The following TRPV4 variants were observed in gnomAD, a reference collection of about 807,000 sequenced individuals.
TRPV4 encodes the protein transient receptor potential cation channel subfamily V member 4, also known as OSM9-like transient receptor potential channel 4.
TRPV4 carries 58 observed loss-of-function variants against 84.1 expected under a neutral mutation model. The observed-to-expected ratio is 0.69, with a 90% CI of 0.56 to 0.86. The LOEUF (loss-of-function observed/expected upper bound fraction) is 0.86, where lower values mean the gene tolerates loss of function less well. Among genes scored for constraint, TRPV4 ranks in the 40% least tolerant of loss-of-function variants. The pLI is 0.00. For missense variants in TRPV4, 879 were observed against 1,181.1 expected, an observed-to-expected ratio of 0.74 and a Z score of 3.75; for synonymous variants, 489 against 500.9, an observed-to-expected ratio of 0.98 and a Z score of 0.32.
chr12:109,793,705 T>C lies in TRPV4; in HGVS notation c.1585-105A>G, dbSNP rs1018279960. On this transcript the variant is annotated intron_variant, in intron 9 of 15. Transcript: ENST00000261740. This position sits in a 1 kb window ranked among gnomAD's most constrained non-coding sequence, Gnocchi z 4.0. ...TAGAAGAGAGGGAGGCAGAGGCTGGTACAGAGAAAAGACAAAGGACTCTTT... is the reference window on the plus strand; with the variant it reads ...TAGAAGAGAGGGAGGCAGAGGCTGGCACAGAGAAAAGACAAAGGACTCTTT... The C allele has an allele frequency of 3.9e-6, 4 of 1,029,510 alleles. No individual in the cohort carries two copies. The highest frequency in any genetic ancestry group is 3.2e-5 in the African/African-American group (2 of 62,904). The allele number at this position is 1,029,510 out of a possible 1,614,324, so 63.8% of individuals were successfully genotyped here. A position where few individuals can be genotyped will look rare whatever the true frequency, so the allele number is the denominator to read the frequency against.
At chr12:109,824,687 CAGAGATTGCAGTGAGCAGAGATAGCA>C (rs2136708604) in intron 1 of TRPV4, among the ~76,000 whole-genome samples, 1 of 152,200 alleles carries the variant, frequency 6.6e-6, no homozygotes, top group East Asian at 1.9e-4. Flanking sequence ...ACCCAGGAGG[CAGAGATTGCAGTGAGCAGAGATAGCA>C]CCACTGCACT....
rs12310610 is a variant in TRPV4, at chr12:109,808,173, C to T, written c.559+123G>A. On this transcript the variant is annotated intron_variant, in intron 3 of 15. Transcript: ENST00000261740. ...AGGACCAGACTCCCTGTCCAGTGCA[C>T]TTTCCAGGCCAATGCAGTCCACCGA... 3,755 of 1,157,960 alleles carry T rather than the reference C, an allele frequency of 3.2e-3. 96 individuals carry two copies. The African/African-American group carries it at 0.05, about 15-fold the overall frequency. 71.7% of individuals were successfully genotyped at this position (1,157,960 alleles called of 1,614,324 possible). A position where few individuals can be genotyped will look rare whatever the true frequency, so the allele number is the denominator to read the frequency against.
rs545966662 is a variant in TRPV4 at position 109,792,408 on chromosome 12, G to A, written c.1846C>T (p.Arg616Ter). The A allele has an allele frequency of 2.8e-5, 45 of 1,613,934 alleles. No homozygotes were observed. Among genetic ancestry groups the A allele is most frequent in the South Asian group, 1.3e-4 (12 of 91,022 alleles). Residue 616 changes from arginine to a stop codon, truncating the protein, a stop_gained, in exon 12 of 16, where the codon CGA becomes TGA. Transcript: ENST00000261740. LOFTEE classifies it high-confidence loss of function. Reference sequence around the variant, plus strand: ...AAGAGCAAGTAGACGAGCAGGAATCGGAAAAGGTCCTTGAAGAGAATCTAA... The same window carrying A: ...AAGAGCAAGTAGACGAGCAGGAATCAGAAAAGGTCCTTGAAGAGAATCTAA... ...IQKILFKDLF[R>*]FLLVYLLFMI...
rs1368161455 is a variant in TRPV4, at chr12:109,788,683, A to T, written c.1925T>A (p.Met642Lys). The T allele has an allele frequency of 1.9e-6, 3 of 1,614,172 alleles. No homozygotes were observed. In the African/African-American group the frequency reaches 4.0e-5, roughly 22 times the overall value. The change falls in exon 13 of 16, where the codon ATG becomes AAG. Residue 642 changes from methionine (M) to lysine (K), a missense_variant. By Grantham distance (95) the Met-to-Lys change is moderately conservative. Around this residue, in one of 4 missense-constraint regions of TRPV4, gnomAD observed 242 missense variants for 355.3 expected, o/e 0.68. Transcript: ENST00000261740. ...LVSLLNPCAN[M>K]KVCNEDQTNC... ...GGTCTGGTCCTCATTGCACACCTTC[A>T]TGTTGGCACACGGGTTCAGGAGGGA...
chr12:109,802,428 A>G (rs1890849425), intron 4 of TRPV4, among the ~76,000 whole-genome samples: 1 of 151,540 alleles, frequency 6.6e-6, no homozygotes, highest in South Asian at 2.1e-4. Context: ...CAGCCTCCCA[A>G]GTAGCTGAGA....
At position 109,798,585 on chromosome 12, in the gene TRPV4, A is replaced by T; in HGVS notation, c.1152+29T>A. The T allele has an allele frequency of 6.2e-7, 1 of 1,606,870 alleles. No individual in the cohort carries two copies. The highest frequency in any genetic ancestry group is 8.5e-7 in the Non-Finnish European group (1 of 1,179,918). On this transcript the variant is annotated intron_variant, in intron 6 of 15. Transcript: ENST00000261740. The surrounding 1 kb of genome is among the most constrained non-coding windows in gnomAD (Gnocchi z 5.0). Reference sequence around the variant, plus strand: ...TGTGCAGAGGGGTACGAGTAGGTGGATCAGCTGTGCCCCCAGCCGCACACT... The same window carrying T: ...TGTGCAGAGGGGTACGAGTAGGTGGTTCAGCTGTGCCCCCAGCCGCACACT...
At chr12:109,801,373 GC>G (rs756024265) in intron 4 of TRPV4, among the ~76,000 whole-genome samples, 1 of 152,310 alleles carries the variant, frequency 6.6e-6, no homozygotes, top group Non-Finnish European at 1.5e-5. Flanking sequence ...AATCATGGGG[GC>G]AGTTACCCTC....
chr12:109,799,749 T>C (rs1038865893), intron 5 of TRPV4, among the ~76,000 whole-genome samples: 1 of 151,680 alleles, frequency 6.6e-6, no homozygotes, highest in Non-Finnish European at 1.5e-5. Flanking sequence ...GGATTTGGCT[T>C]TTTTTTTGTT....
intron 1 of TRPV4, among the ~76,000 whole-genome samples, chr12:109,817,137 C>T (rs1163557169): frequency 6.6e-6 from 1 of 152,168 alleles, no homozygotes; most frequent in African/African-American, 2.4e-5. Flanking sequence ...TCCCTAGTCC[C>T]TCATGGCTGC....
chr12:109,786,893 C>T lies in TRPV4; in HGVS notation c.2209-56G>A, dbSNP rs1005187673. 6.2e-6 allele frequency: 10 copies of T among 1,609,498 alleles called. No individual in the cohort carries two copies. Among genetic ancestry groups the T allele is most frequent in the Middle Eastern group, 1.7e-4 (1 of 5,888 alleles). The stretch of plus-strand genomic sequence containing the variant: ...GGTGAGCCTCACAGCCTGCGCCTGC[C>T]GCTCTGGTGGCAGAAATGAGACAAC... On this transcript the variant is annotated intron_variant, in intron 13 of 15. Transcript: ENST00000261740. This position sits in a 1 kb window ranked among gnomAD's most constrained non-coding sequence, Gnocchi z 4.5.
rs1405004190 is a variant in TRPV4 at position 109,796,739 on chromosome 12, A to G, written c.1153-35T>C. The G allele has an allele frequency of 2.5e-6, 4 of 1,586,336 alleles. No individual in the cohort carries two copies. Among genetic ancestry groups the G allele is most frequent in the Non-Finnish European group, 2.6e-6 (3 of 1,164,374 alleles). ...GGGCCAGGAGGGTCAGGGGGCTCAC[A>G]CTGGAAAGACCCCCAGGGCTGGGCC... On this transcript the variant is annotated intron_variant, in intron 6 of 15. Transcript: ENST00000261740. This position sits in a 1 kb window ranked among gnomAD's most constrained non-coding sequence, Gnocchi z 4.2.
At chr12:109,797,567 C>T (rs182254975) in intron 6 of TRPV4, among the ~76,000 whole-genome samples, 1 of 152,314 alleles carries the variant, frequency 6.6e-6, no homozygotes, top group African/African-American at 2.4e-5. Context: ...GCTCCTCCCA[C>T]CTCAGCCTCC....
Position 109,788,729 on chromosome 12 carries a change from A to T in TRPV4, c.1892-13T>A. The T allele has an allele frequency of 6.2e-7, 1 of 1,613,906 alleles. No individual in the cohort carries two copies. The highest frequency in any genetic ancestry group is 8.5e-7 in the Non-Finnish European group (1 of 1,180,016). On this transcript the variant is annotated splice_polypyrimidine_tract_variant and intron_variant, in intron 12 of 15. Transcript: ENST00000261740. ...AGGGAGACCAGGGCTGTGGGAGGAT[A>T]GGGGTGGCACTCACTGAGTGTGAGC...
At position 109,788,755 on chromosome 12, in the gene TRPV4, A is replaced by C. The variant is rs756955838; in HGVS notation, c.1892-39T>G. 1.0e-5 allele frequency: 16 copies of C among 1,606,954 alleles called. No individual in the cohort carries two copies. In the South Asian group the frequency reaches 1.6e-4, roughly 17 times the overall value. On this transcript the variant is annotated intron_variant, in intron 12 of 15. Transcript: ENST00000261740. ...GGGGTGGCACTCACTGAGTGTGAGC[A>C]CACCCACAGAGAGGTGGAGGGTGTC... is the stretch of plus-strand genomic sequence containing the variant.
At chr12:109,805,914 C>T (rs536008495) in intron 3 of TRPV4, among the ~76,000 whole-genome samples, 3 of 152,346 alleles carry the variant, frequency 2.0e-5, no homozygotes, top group South Asian at 4.1e-4. Flanking sequence ...GACAAGCTAG[C>T]CTGGTGCTGA....
intron 2 of TRPV4, among the ~76,000 whole-genome samples, chr12:109,813,515 G>GTTTGCATTTGTATAAATGCA (rs1020610024): frequency 9.2e-5 from 14 of 152,264 alleles, no homozygotes; most frequent in African/African-American, 1.2e-4. Flanking sequence ...AAATGGCTGA[G>GTTTGCATTTGTATAAATGCA]TTTGCATTTG....
intron 1 of TRPV4, among the ~76,000 whole-genome samples, chr12:109,824,305 C>A (rs1365999950): frequency 1.3e-5 from 2 of 152,100 alleles, no homozygotes; most frequent in African/African-American, 4.8e-5. Flanking sequence ...GTAGTAGGAG[C>A]TCAAGGATAC....
chr12:109,808,521 C>G (rs1891288747), intron 2 of TRPV4, 53 bp from the exon 3 acceptor site: 1 of 1,566,518 alleles, frequency 6.4e-7, no homozygotes, highest in Non-Finnish European at 8.7e-7. Context: ...CTGCCTGCCC[C>G]ACTGTCCCTG....
intron 1 of TRPV4, among the ~76,000 whole-genome samples, chr12:109,820,516 A>ATTTTTTTTTTTTTTT (rs1166251387): frequency 5.4e-5 from 5 of 92,398 alleles, no homozygotes; most frequent in African/African-American, 2.0e-4. Flanking sequence ...CAGCTGCCCT[A>ATTTTTTTTTTTTTTT]TTTTTTTTTT....
Sources: allele counts gnomAD v4.1 joint callset (sites outside exome capture counted in the v4.1 genomes callset), GRCh38; gene constraint gnomAD v4.1.1; regional missense constraint gnomAD v4.1.1; non-coding constraint Gnocchi (gnomAD v3.1); transcripts MANE v1.5; gene names NCBI Gene and HGNC (gene_info 2026-07-23, HGNC 2026-07-21).